Variants in SLC9A9 observed in about 807,000 individuals in gnomAD.
SLC9A9 encodes solute carrier family 9 member A9.
A neutral mutation model predicts 77.8 loss-of-function variants in SLC9A9; 62 were observed. The observed-to-expected ratio is 0.80, with a 90% CI of 0.65 to 0.98. The LOEUF is 0.98. SLC9A9 is among the 50% of genes least tolerant of loss of function. The pLI is 0.00. For missense variants in SLC9A9, 775 were observed against 774.9 expected (o/e 1.00, Z 0.00); for synonymous variants, 320 against 283.5 (o/e 1.13, Z -1.29).
At chr3:143,309,747 A>G (rs2030948033) in intron 14 of SLC9A9, among the ~76,000 whole-genome samples, 2 of 152,196 alleles carry the variant, frequency 1.3e-5, no homozygotes, top group South Asian at 4.1e-4. Context: ...GAAGGAAGAA[A>G]TGTTCTCAGC....
chr3:143,712,859 A>C (rs945988057), intron 4 of SLC9A9, among the ~76,000 whole-genome samples: 1 of 152,210 alleles, frequency 6.6e-6, no homozygotes, highest in Non-Finnish European at 1.5e-5. Flanking sequence ...GAAAATTGCC[A>C]AGACCTTGTT....
At chr3:143,443,343 T>C (rs998821167) in intron 12 of SLC9A9, among the ~76,000 whole-genome samples, 3 of 152,182 alleles carry the variant, frequency 2.0e-5, no homozygotes, top group African/African-American at 7.2e-5. Context: ...AGTTTTTTTT[T>C]TTAAAGGTTT....
chr3:143,791,592 A>G (rs1226295568), intron 4 of SLC9A9, among the ~76,000 whole-genome samples: 1 of 152,154 alleles, frequency 6.6e-6, no homozygotes, highest in Non-Finnish European at 1.5e-5. Flanking sequence ...CCTACTCTCC[A>G]TCCTGGAACT....
At chr3:143,586,201 G>C (rs1242014097) in intron 6 of SLC9A9, among the ~76,000 whole-genome samples, 1 of 152,244 alleles carries the variant, frequency 6.6e-6, no homozygotes, top group African/African-American at 2.4e-5. Context: ...AGTTAAGCCA[G>C]CTGAGGGGTG....
chr3:143,444,927 CT>C (rs2034815322), intron 12 of SLC9A9, among the ~76,000 whole-genome samples: 1 of 152,238 alleles, frequency 6.6e-6, no homozygotes, highest in African/African-American at 2.4e-5. Flanking sequence ...CCGTCTACCC[CT>C]GGGCCCTCTG....
At chr3:143,495,613 G>A (rs1035668098) in intron 9 of SLC9A9, among the ~76,000 whole-genome samples, 165 bp from the exon 10 acceptor site, 1 of 152,140 alleles carries the variant, frequency 6.6e-6, no homozygotes, top group African/African-American at 2.4e-5. Flanking sequence ...CCTGGCTCTT[G>A]ACCCAGGGAC....
At chr3:143,708,629 A>T (rs1576673660) in intron 4 of SLC9A9, among the ~76,000 whole-genome samples, 2 of 152,290 alleles carry the variant, frequency 1.3e-5, no homozygotes, top group South Asian at 2.1e-4. Context: ...CCTTTATTTC[A>T]TCTAGGTCCT....
In SLC9A9 at chr3:143,606,436, C is replaced by CTATATATATATATATA. The variant is rs60773685; in HGVS notation, c.756-27729_756-27714dup. ...TCTCTCTCTCTCTCTCTCTCTCTCT[C>CTATATATATATATATA]TATATATATATATATATATATATAT... On this transcript the variant is annotated intron_variant, in intron 6 of 15. Transcript: ENST00000316549. Among the ~76,000 whole-genome samples, 199 of 54,164 alleles carry CTATATATATATATATA rather than the reference C, an allele frequency of 3.7e-3. 4 individuals carry two copies. The highest frequency in any genetic ancestry group is 0.013 in the Middle Eastern group (1 of 76). 35.5% of individuals were successfully genotyped at this position (54,164 alleles called of 152,430 possible). A position where few individuals can be genotyped will look rare whatever the true frequency, so the allele number is the denominator to read the frequency against.
chr3:143,529,575 T>C (rs1324217102), intron 9 of SLC9A9, among the ~76,000 whole-genome samples: 1 of 152,104 alleles, frequency 6.6e-6, no homozygotes, highest in East Asian at 1.9e-4. Flanking sequence ...GGATTTTTAC[T>C]CAAGAAAACT....
chr3:143,485,129 G>A (rs1349764862), intron 11 of SLC9A9, among the ~76,000 whole-genome samples: 1 of 152,206 alleles, frequency 6.6e-6, no homozygotes, highest in African/African-American at 2.4e-5. Flanking sequence ...TGTGCCAAGT[G>A]TTCCTGGAGC....
intron 6 of SLC9A9, among the ~76,000 whole-genome samples, chr3:143,623,453 A>G (rs2038257951): frequency 6.6e-6 from 1 of 152,256 alleles, no homozygotes; most frequent in African/African-American, 2.4e-5. Context: ...ACTCAGGATT[A>G]AGAAACTCAC....
At chr3:143,429,097 T>C (rs548015354) in intron 12 of SLC9A9, among the ~76,000 whole-genome samples, 23 of 152,362 alleles carry the variant, frequency 1.5e-4, no homozygotes, top group Non-Finnish European at 3.2e-4. Context: ...ATGGTAATTA[T>C]CCTGATTTGA....
At chr3:143,304,380 C>G (rs2030680919) in intron 14 of SLC9A9, among the ~76,000 whole-genome samples, 1 of 152,198 alleles carries the variant, frequency 6.6e-6, no homozygotes, top group South Asian at 2.1e-4. Context: ...CCAGAAGCAA[C>G]AAACATTCTG....
At chr3:143,629,410 C>T (rs941408373) in intron 6 of SLC9A9, among the ~76,000 whole-genome samples, 6 of 152,128 alleles carry the variant, frequency 3.9e-5, no homozygotes, top group Non-Finnish European at 1.5e-5. Flanking sequence ...AATATAATTA[C>T]AAATTATGAT....
intron 12 of SLC9A9, among the ~76,000 whole-genome samples, chr3:143,412,357 G>A (rs1407809160): frequency 6.6e-6 from 1 of 151,906 alleles, no homozygotes; most frequent in Non-Finnish European, 1.5e-5. Flanking sequence ...CAGAATCCAT[G>A]TTGTCTCCTA....
chr3:143,273,948 G>A (rs952534912), intron 14 of SLC9A9, among the ~76,000 whole-genome samples: 3 of 152,058 alleles, frequency 2.0e-5, no homozygotes, highest in African/African-American at 7.2e-5. Flanking sequence ...TCATTTTTAG[G>A]GTGAGGACAG....
chr3:143,648,784 A>G lies in SLC9A9; in HGVS notation c.755+3471T>C, dbSNP rs370969483. Among the ~76,000 whole-genome samples, 13 of 152,290 alleles carry G rather than the reference A, an allele frequency of 8.5e-5. No individual in the cohort carries two copies. The East Asian group carries it at 2.5e-3, about 29-fold the overall frequency. ...TTTACTGACCATAGTGATTATTCCA[A>G]GATAAACTGCATCAGAATCTATGAA... On this transcript the variant is annotated intron_variant, in intron 6 of 15. Transcript: ENST00000316549.
chr3:143,537,448 C>T (rs2036608589), intron 9 of SLC9A9, among the ~76,000 whole-genome samples: 1 of 152,090 alleles, frequency 6.6e-6, no homozygotes, highest in Non-Finnish European at 1.5e-5. Flanking sequence ...GCTCCCTCCC[C>T]ACTGCTGCCC....
chr3:143,283,909 G>A (rs1457443259), intron 14 of SLC9A9, among the ~76,000 whole-genome samples: 1 of 152,190 alleles, frequency 6.6e-6, no homozygotes, highest in Admixed American at 6.5e-5. Context: ...GAACAGGTAT[G>A]ATCCTTTGGT....
Sources: allele counts gnomAD v4.1 joint callset (sites outside exome capture counted in the v4.1 genomes callset), GRCh38; gene constraint gnomAD v4.1.1; transcripts MANE v1.5; gene names NCBI Gene and HGNC (gene_info 2026-07-23, HGNC 2026-07-21).